Variants in OTOGL observed in about 807,000 individuals in gnomAD.
The protein encoded by OTOGL is otogelin like.
OTOGL carries 285 observed loss-of-function variants against 318.5 expected under a neutral mutation model. The ratio of observed to expected loss-of-function variants is 0.89; its 90% CI spans 0.81 to 0.99. The LOEUF is 0.99. Among genes scored for constraint, OTOGL ranks in the 50% least tolerant of loss-of-function variants. The pLI, the probability that OTOGL is intolerant of heterozygous loss-of-function variation, is 0.00. For missense variants in OTOGL, 2,899 were observed against 2,845.6 expected, an observed-to-expected ratio of 1.02 and a Z score of -0.43; for synonymous variants, 987 against 936.5, an observed-to-expected ratio of 1.05 and a Z score of -0.99.
chr12:80,129,567 G>C (rs1344409828), intron 1 of OTOGL, among the ~76,000 whole-genome samples: 1 of 152,024 alleles, frequency 6.6e-6, no homozygotes, highest in Non-Finnish European at 1.5e-5. Context: ...TTGTAATGAG[G>C]GTGGTACAAC....
chr12:80,321,537 G>A (rs750833351), intron 34 of OTOGL, among the ~76,000 whole-genome samples: 11 of 151,792 alleles, frequency 7.2e-5, no homozygotes, highest in Non-Finnish European at 1.6e-4. Context: ...TAACAAATAT[G>A]CACGTTGTGC....
At chr12:80,290,335 C>T (rs370059465) in intron 26 of OTOGL, among the ~76,000 whole-genome samples, 5 of 152,024 alleles carry the variant, frequency 3.3e-5, no homozygotes, top group South Asian at 2.1e-4. Flanking sequence ...TGTTCCTATT[C>T]GGCCATCTTG....
chr12:80,115,225 G>C (rs1018556459), intron 1 of OTOGL, among the ~76,000 whole-genome samples: 1 of 151,964 alleles, frequency 6.6e-6, no homozygotes, highest in Non-Finnish European at 1.5e-5. Flanking sequence ...CCTCATCTTC[G>C]TGGTTTTATC....
At chr12:80,372,499 A>G (rs1161412652) in intron 57 of OTOGL, among the ~76,000 whole-genome samples, 1 of 152,156 alleles carries the variant, frequency 6.6e-6, no homozygotes, top group East Asian at 1.9e-4. Context: ...TCCAAAAACA[A>G]CATATGGGTG....
At chr12:80,204,330 A>C (rs1241489151) in intron 1 of OTOGL, among the ~76,000 whole-genome samples, 1 of 152,194 alleles carries the variant, frequency 6.6e-6, no homozygotes, top group Non-Finnish European at 1.5e-5. Flanking sequence ...TTGACACTCC[A>C]GTGGCTCTTG....
At chr12:80,315,848 A>C (rs1453033734) in intron 32 of OTOGL, among the ~76,000 whole-genome samples, 1 of 152,182 alleles carries the variant, frequency 6.6e-6, no homozygotes, top group Non-Finnish European at 1.5e-5. Flanking sequence ...TGTCCTGTTC[A>C]AGATTTTAAA....
chr12:80,306,211 G>A (rs1886094883), intron 29 of OTOGL, among the ~76,000 whole-genome samples: 1 of 152,120 alleles, frequency 6.6e-6, no homozygotes, highest in Non-Finnish European at 1.5e-5. Flanking sequence ...ATTAATTTTT[G>A]CATATTTCTC....
intron 14 of OTOGL, among the ~76,000 whole-genome samples, chr12:80,253,985 C>G (rs1429510236): frequency 6.6e-6 from 1 of 152,002 alleles, no homozygotes; most frequent in Non-Finnish European, 1.5e-5. Flanking sequence ...ACACTGTTGT[C>G]AAATATGAAA....
chr12:80,247,993 C>CT (rs1173501223), intron 11 of OTOGL, among the ~76,000 whole-genome samples: 1 of 84,774 alleles, frequency 1.2e-5, no homozygotes, highest in South Asian at 4.6e-4. Context: ...CAACCCCTGC[C>CT]TTTTTTTGTT....
intron 52 of OTOGL, among the ~76,000 whole-genome samples, chr12:80,365,180 T>G (rs116564124): frequency 0.011 from 1,714 of 152,144 alleles, 31 homozygotes; most frequent in African/African-American, 0.039. Flanking sequence ...TGAAAACATA[T>G]GTCCACATAA....
At chr12:80,212,726 G>A (rs1565902409) in intron 4 of OTOGL, among the ~76,000 whole-genome samples, 1 of 152,114 alleles carries the variant, frequency 6.6e-6, no homozygotes, top group Non-Finnish European at 1.5e-5. Flanking sequence ...AATATTCAAG[G>A]AAGCCTTTGT....
chr12:80,100,292 G>T (rs1869060917), intron 1 of OTOGL, among the ~76,000 whole-genome samples: 2 of 151,720 alleles, frequency 1.3e-5, no homozygotes, highest in South Asian at 2.1e-4. Context: ...GTTAACTATG[G>T]TTGCCCTATT....
chr12:80,258,192 A>T (rs1178334909), intron 18 of OTOGL, among the ~76,000 whole-genome samples, 190 bp downstream of exon 18: 1 of 152,174 alleles, frequency 6.6e-6, no homozygotes, highest in African/African-American at 2.4e-5. Context: ...AAGGAAACTA[A>T]TCAAGTCCTC....
At position 80,266,624 on chromosome 12, in the gene OTOGL, G is replaced by A. The variant is rs369463995; in HGVS notation, c.2390+8G>A. ...TAACTTTTGTGTACCCATGTAAGTC[G>A]TAGAAACAGGTTGGCAGCATCCTGT... On this transcript the variant is annotated splice_region_variant and intron_variant, in intron 21 of 58. Transcript: ENST00000547103. 3.2e-5 allele frequency: 52 copies of A among 1,609,614 alleles called. No individual in the cohort carries two copies. Among genetic ancestry groups the A allele is most frequent in the East Asian group, 2.0e-4 (9 of 44,712 alleles).
chr12:80,332,450 A>G (rs563682402), intron 37 of OTOGL, among the ~76,000 whole-genome samples: 1 of 152,296 alleles, frequency 6.6e-6, no homozygotes, highest in South Asian at 2.1e-4. Context: ...CACCTTTAGA[A>G]GGTGCCTCAC....
At chr12:80,169,965 A>G (rs1295540778) in intron 1 of OTOGL, among the ~76,000 whole-genome samples, 2 of 152,252 alleles carry the variant, frequency 1.3e-5, no homozygotes. Context: ...GCTACTATCA[A>G]CATTCACATG....
intron 4 of OTOGL, among the ~76,000 whole-genome samples, chr12:80,216,756 T>G (rs1877761251): frequency 1.3e-5 from 2 of 152,154 alleles, no homozygotes; most frequent in Admixed American, 1.3e-4. Context: ...GGAGTCAGGA[T>G]TCTAATCCAG....
At chr12:80,352,512 C>CT (rs1342729979) in intron 45 of OTOGL, 76 bp downstream of exon 45, 3 of 1,248,350 alleles carry the variant, frequency 2.4e-6, no homozygotes, top group East Asian at 5.3e-5. Context: ...CCTTCTTTTT[C>CT]TTTTTTATCA....
intron 1 of OTOGL, among the ~76,000 whole-genome samples, chr12:80,118,238 G>A (rs912955270): frequency 3.9e-5 from 6 of 152,172 alleles, no homozygotes; most frequent in African/African-American, 9.7e-5. Context: ...ATGCTGCCAA[G>A]ATAACCATGT....
Sources: allele counts gnomAD v4.1 joint callset (sites outside exome capture counted in the v4.1 genomes callset), GRCh38; gene constraint gnomAD v4.1.1; transcripts MANE v1.5; gene names NCBI Gene and HGNC (gene_info 2026-07-23, HGNC 2026-07-21).